DMD: variants seen among roughly 807,000 people sequenced by gnomAD.
DMD encodes mutant dystrophin.
Under a neutral mutation model 330.1 loss-of-function variants are expected in DMD, and 63 were observed. That is an observed-to-expected ratio of 0.19 (90% CI 0.16 to 0.24). DMD has a LOEUF of 0.24. Ranked by LOEUF, DMD falls within the 10% of genes least tolerant of loss-of-function variation. The pLI, the probability that DMD is intolerant of heterozygous loss-of-function variation, is 1.00. For missense variants in DMD, 3,344 were observed against 2,684.1 expected, an observed-to-expected ratio of 1.25 and a Z score of -5.43; for synonymous variants, 1,223 against 959.8, an observed-to-expected ratio of 1.27 and a Z score of -5.07.
At chrX:31,821,716 T>A (rs761324035) in intron 49 of DMD, among the ~76,000 whole-genome samples, 4 of 112,454 alleles carry the variant, frequency 3.6e-5, no homozygotes, top group Non-Finnish European at 7.5e-5. Context: ...ACAAAAGCTT[T>A]ACCAGTGCCT....
At chrX:33,303,478 T>A (rs1313573931) in intron 1 of DMD, among the ~76,000 whole-genome samples, 2 of 111,107 alleles carry the variant, frequency 1.8e-5, no homozygotes, top group Non-Finnish European at 1.9e-5. Flanking sequence ...AATAGGAATA[T>A]GGGATGGGAA....
At chrX:31,303,676 T>C (rs1251930450) in intron 62 of DMD, among the ~76,000 whole-genome samples, 1 of 111,756 alleles carries the variant, frequency 8.9e-6, no homozygotes, top group Non-Finnish European at 1.9e-5. Flanking sequence ...TTTGTATTCA[T>C]AGGCTCCTCA....
In DMD at chrX:31,135,997, C is replaced by CT. The variant is rs60520155; in HGVS notation, c.10922-1804dup. 9.8e-3 allele frequency among the ~76,000 whole-genome samples: 1,012 copies of CT among 102,758 alleles called. 7 individuals carry two copies. Among genetic ancestry groups the CT allele is most frequent in the African/African-American group, 0.033 (945 of 28,370 alleles). The allele number at this position is 102,758 out of a possible 115,157, so 89.2% of individuals were successfully genotyped here. ...TTTGATTAGAATCCTGCATTTATTC[C>CT]TTTTTTTTTTTTTAACAGCAGAAGC... On this transcript the variant is annotated intron_variant, in intron 76 of 78. Coordinates refer to ENST00000357033, the MANE Select transcript of DMD (RefSeq NM_004006.3).
At chrX:31,566,304 T>C (rs748617331) in intron 55 of DMD, among the ~76,000 whole-genome samples, 13 of 111,878 alleles carry the variant, frequency 1.2e-4, no homozygotes, top group African/African-American at 2.9e-4. Context: ...TCTTTTTTTT[T>C]CCCACTCTAG....
intron 1 of DMD, among the ~76,000 whole-genome samples, chrX:33,113,054 CTTT>C (rs554243808): frequency 4.3e-5 from 4 of 94,058 alleles, no homozygotes; most frequent in Non-Finnish European, 2.2e-5. Flanking sequence ...CTAAACATTA[CTTT>C]TTTTTTTTTT....
chrX:32,612,576 TC>T (rs1406363146), intron 12 of DMD, among the ~76,000 whole-genome samples: 1 of 111,596 alleles, frequency 9.0e-6, no homozygotes, highest in Non-Finnish European at 1.9e-5. Flanking sequence ...ATAGACACTT[TC>T]TGCATGTAAC....
chrX:31,849,542 A>C (rs921616192), intron 48 of DMD, among the ~76,000 whole-genome samples: 1 of 110,705 alleles, frequency 9.0e-6, no homozygotes, highest in Non-Finnish European at 1.9e-5. Context: ...AAGCAGAAGA[A>C]GTACGGAGCT....
intron 59 of DMD, among the ~76,000 whole-genome samples, chrX:31,470,408 G>C (rs2067209419): frequency 8.9e-6 from 1 of 111,910 alleles, no homozygotes; most frequent in African/African-American, 3.2e-5. Context: ...GGAACCCTCT[G>C]CTGCAGGTCT....
At chrX:32,893,660 A>C (rs2149267443) in intron 2 of DMD, among the ~76,000 whole-genome samples, 1 of 111,528 alleles carries the variant, frequency 9.0e-6, no homozygotes, top group East Asian at 2.8e-4. Context: ...ATTGTAGTGG[A>C]GCTGGAAATT....
chrX:32,631,435 G>T (rs2058721771), intron 11 of DMD, among the ~76,000 whole-genome samples: 1 of 111,836 alleles, frequency 8.9e-6, no homozygotes, highest in Non-Finnish European at 1.9e-5. Context: ...TTTTTCCCTG[G>T]TGGGTTTGCA....
chrX:32,862,087 A>G (rs1008708805), intron 2 of DMD, among the ~76,000 whole-genome samples: 1 of 111,792 alleles, frequency 8.9e-6, no homozygotes. Flanking sequence ...GTAGGTATTT[A>G]TTCATTATTC....
chrX:32,499,857 C>T (rs1221220103), intron 19 of DMD, among the ~76,000 whole-genome samples: 1 of 111,087 alleles, frequency 9.0e-6, no homozygotes, highest in African/African-American at 3.3e-5. Context: ...ACAATTTGCA[C>T]AATCACAGAA....
At chrX:32,828,552 T>G (rs1179995682) in intron 4 of DMD, among the ~76,000 whole-genome samples, 1 of 109,422 alleles carries the variant, frequency 9.1e-6, no homozygotes, top group Admixed American at 9.7e-5. Flanking sequence ...TACAAGTATA[T>G]GTGTATCTAC....
At chrX:32,065,236 C>T (rs1471504798) in intron 44 of DMD, among the ~76,000 whole-genome samples, 2 of 111,574 alleles carry the variant, frequency 1.8e-5, no homozygotes, top group Admixed American at 1.9e-4. Context: ...GTCAAAAAGA[C>T]TAATGCAAGT....
At chrX:33,299,389 A>G (rs1191157322) in intron 1 of DMD, among the ~76,000 whole-genome samples, 2 of 111,772 alleles carry the variant, frequency 1.8e-5, no homozygotes, top group African/African-American at 6.5e-5. Context: ...TAGTGATTAC[A>G]TGAGCTAATG....
At position 31,737,071 on chromosome X, in the gene DMD, G is replaced by A. The variant is rs984142820; in HGVS notation, c.7543-7323C>T. Among the ~76,000 whole-genome samples, 15 of 111,575 alleles carry A rather than the reference G, an allele frequency of 1.3e-4. No homozygotes were observed. In the Admixed American group the frequency reaches 1.4e-3, roughly 11 times the overall value. On this transcript the variant is annotated intron_variant, in intron 51 of 78. Transcript: ENST00000357033. Reference sequence around the variant, plus strand: ...AATTATCATATTACTCTGTGAGGTGGGTACTAATATTGCCCCTATTTTACT... The same window carrying A: ...AATTATCATATTACTCTGTGAGGTGAGTACTAATATTGCCCCTATTTTACT...
At chrX:32,777,060 C>CT (rs112879482) in intron 7 of DMD, among the ~76,000 whole-genome samples, 7,126 of 103,404 alleles carry the variant, frequency 0.069, 221 homozygotes, top group African/African-American at 0.12. Context: ...ATAAATTTGT[C>CT]TTTTTTTTTT....
rs1225713362 is a variant in DMD, at chrX:31,345,567, AT to A, written c.9163+2988del. ...ACCTGGTGTCTGAGGAGTAATTAAT[AT>A]TCATAATAGTACTATTTTTTATTTA... On this transcript the variant is annotated intron_variant, in intron 61 of 78. Coordinates refer to ENST00000357033, the MANE Select transcript of DMD (RefSeq NM_004006.3). Among the ~76,000 whole-genome samples the A allele has an allele frequency of 5.4e-5, 6 of 111,798 alleles. No individual in the cohort carries two copies. The East Asian group carries it at 1.7e-3, about 31-fold the overall frequency.
chrX:32,613,596 A>G (rs1273063784), intron 12 of DMD, among the ~76,000 whole-genome samples: 1 of 110,534 alleles, frequency 9.0e-6, no homozygotes, highest in African/African-American at 3.3e-5. Context: ...GCCAGCTTCA[A>G]TTTACTATAA....
Sources: gnomAD v4.1 joint callset for allele counts (sites outside exome capture counted in the v4.1 genomes callset) on GRCh38, gnomAD v4.1.1 for gene constraint, MANE v1.5 for transcripts, NCBI Gene and HGNC (gene_info 2026-07-23, HGNC 2026-07-21) for gene names.